RANBP2: variants seen among roughly 807,000 people sequenced by gnomAD.
The protein encoded by RANBP2 is RAN binding protein 2.
In RANBP2, 57 loss-of-function variants were observed where a neutral mutation model predicts 303.6. The observed-to-expected ratio is 0.19, with a 90% CI of 0.15 to 0.23. The LOEUF (loss-of-function observed/expected upper bound fraction) is 0.23. RANBP2 is among the 10% of genes least tolerant of loss of function. RANBP2 has a pLI of 1.00. For synonymous variants in RANBP2, 1,167 were observed against 1,301.5 expected (o/e 0.90, Z 2.23); for missense variants, 3,138 against 3,780.8 (o/e 0.83, Z 4.46).
intron 4 of RANBP2, among the ~76,000 whole-genome samples, chr2:108,734,313 G>A (rs2149122471): frequency 6.6e-6 from 1 of 152,232 alleles, no homozygotes; most frequent in Admixed American, 6.5e-5. Flanking sequence ...GGAAGGTATG[G>A]GGAAGTTGAG....
At chr2:108,935,583 G>T in the RANBP2 span, among the ~76,000 whole-genome samples, 4 of 152,118 alleles carry the variant, frequency 2.6e-5, no homozygotes, top group African/African-American at 9.7e-5. Flanking sequence ...CCTTGGCTGG[G>T]TCTCTCCCTC....
the RANBP2 span, among the ~76,000 whole-genome samples, chr2:109,340,268 A>G: frequency 6.6e-6 from 1 of 152,122 alleles, no homozygotes; most frequent in African/African-American, 2.4e-5. Flanking sequence ...CAGATAATAT[A>G]AGGCCAAGCT....
At chr2:108,839,414 C>T in the RANBP2 span, 22 of 864,138 alleles carry the variant, frequency 2.5e-5, 1 homozygote, top group Middle Eastern at 2.8e-4. Flanking sequence ...GAATAATCTT[C>T]CCTATCTATG....
chr2:109,028,200 C>T, the RANBP2 span, among the ~76,000 whole-genome samples: 3 of 152,278 alleles, frequency 2.0e-5, no homozygotes, highest in Non-Finnish European at 2.9e-5. Context: ...GAACCCAGGA[C>T]GTTGAGGCTG....
the RANBP2 span, among the ~76,000 whole-genome samples, chr2:109,602,481 C>G: frequency 3.9e-5 from 6 of 152,016 alleles, 1 homozygote; most frequent in African/African-American, 1.4e-4. Flanking sequence ...TTTGACACCA[C>G]CCTGACCAAA....
At chr2:109,325,396 C>T in the RANBP2 span, among the ~76,000 whole-genome samples, 4 of 118,846 alleles carry the variant, frequency 3.4e-5, 1 homozygote, top group Admixed American at 2.3e-4. Context: ...GGCTGGAGTA[C>T]AGTGGTGTGA....
chr2:108,939,575 T>C, the RANBP2 span, among the ~76,000 whole-genome samples: 4 of 110,708 alleles, frequency 3.6e-5, no homozygotes, highest in Non-Finnish European at 6.6e-5. Context: ...GAGGGAACAG[T>C]GTGGGTGAGG....
At chr2:109,662,896 A>G in the RANBP2 span, among the ~76,000 whole-genome samples, 6 of 152,098 alleles carry the variant, frequency 3.9e-5, no homozygotes, top group East Asian at 5.8e-4. Flanking sequence ...CTGGCCTCCA[A>G]TGTGGTTCTT....
the RANBP2 span, among the ~76,000 whole-genome samples, chr2:108,870,486 C>T: frequency 7.2e-5 from 11 of 152,086 alleles, no homozygotes; most frequent in African/African-American, 2.4e-4. Flanking sequence ...AGGAAAGACA[C>T]GGCTCTACAA....
At chr2:109,375,086 T>C in the RANBP2 span, among the ~76,000 whole-genome samples, 58 of 152,268 alleles carry the variant, frequency 3.8e-4, no homozygotes, top group African/African-American at 1.4e-3. Context: ...CCTCTGCTGT[T>C]CTATAGAAAT....
the RANBP2 span, among the ~76,000 whole-genome samples, chr2:109,695,972 CT>C: frequency 6.6e-6 from 1 of 150,708 alleles, no homozygotes. Flanking sequence ...CTCACTTTTT[CT>C]TTTTTTTTGA....
At chr2:109,217,430 A>C in the RANBP2 span, among the ~76,000 whole-genome samples, 2 of 152,338 alleles carry the variant, frequency 1.3e-5, no homozygotes, top group South Asian at 2.1e-4. Context: ...TGCTCACCAG[A>C]TGGTTTGTCT....
At chr2:109,651,492 T>C in the RANBP2 span, among the ~76,000 whole-genome samples, 1 of 152,180 alleles carries the variant, frequency 6.6e-6, no homozygotes, top group African/African-American at 2.4e-5. Flanking sequence ...TAGGTCTACA[T>C]AATATGTTGG....
the RANBP2 span, among the ~76,000 whole-genome samples, chr2:109,771,393 C>T: frequency 1.0e-5 from 1 of 98,230 alleles, no homozygotes; most frequent in African/African-American, 5.3e-5. Context: ...TCATCACGTG[C>T]GGCGGCATAC....
At chr2:109,172,865 G>C in the RANBP2 span, among the ~76,000 whole-genome samples, 3 of 152,214 alleles carry the variant, frequency 2.0e-5, no homozygotes, top group Non-Finnish European at 4.4e-5. Context: ...CCTTAGCTGA[G>C]TCCAGTATTT....
At chr2:109,772,835 A>G in the RANBP2 span, among the ~76,000 whole-genome samples, 2 of 142,788 alleles carry the variant, frequency 1.4e-5, no homozygotes, top group African/African-American at 2.7e-5. Context: ...GTGAGGATGG[A>G]GAGGAGGAGA....
At chr2:109,614,454 G>C in the RANBP2 span, 1 of 1,210,836 alleles carries the variant, frequency 8.3e-7, no homozygotes, top group Middle Eastern at 3.2e-4. Flanking sequence ...GGACCGCGCT[G>C]AGCCGCCCGC....
At chr2:109,406,980 G>A in the RANBP2 span, among the ~76,000 whole-genome samples, 7,488 of 152,262 alleles carry the variant, frequency 0.049, 342 homozygotes, top group African/African-American at 0.11. Flanking sequence ...CAGAAGTTGG[G>A]AAGCTTCAAA....
At chr2:109,020,551 GA>G in the RANBP2 span, among the ~76,000 whole-genome samples, 1 of 152,318 alleles carries the variant, frequency 6.6e-6, no homozygotes, top group Non-Finnish European at 1.5e-5. Context: ...GGAAGAGAGA[GA>G]ATACCACAAG....
Sources: allele counts gnomAD v4.1 joint callset (sites outside exome capture counted in the v4.1 genomes callset), GRCh38; gene constraint gnomAD v4.1.1; transcripts MANE v1.5; gene names NCBI Gene and HGNC (gene_info 2026-07-23, HGNC 2026-07-21).